The following PTK2 variants were observed in gnomAD, a reference collection of about 807,000 sequenced individuals.
The protein encoded by PTK2 is focal adhesion kinase 1.
PTK2 carries 45 observed loss-of-function variants against 150.1 expected under a neutral mutation model. The observed-to-expected ratio is 0.30, with a 90% CI of 0.24 to 0.38. PTK2 has a LOEUF of 0.38. Ranked by LOEUF, PTK2 falls within the 10% of genes least tolerant of loss-of-function variation. The pLI, the probability that PTK2 is intolerant of heterozygous loss-of-function variation, is 1.00. For synonymous variants in PTK2, 432 were observed against 449.2 expected (o/e 0.96, Z 0.48); for missense variants, 919 against 1,307.3 (o/e 0.70, Z 4.58).
chr8:140,740,450 G>A (rs1157029941), intron 20 of PTK2, among the ~76,000 whole-genome samples: 1 of 152,176 alleles, frequency 6.6e-6, no homozygotes, highest in Non-Finnish European at 1.5e-5. Flanking sequence ...TCAAGGGTCT[G>A]GACTTTCTTC....
chr8:140,746,699 T>C (rs1411936640), intron 18 of PTK2, 61 bp downstream of exon 21: 2 of 1,293,118 alleles, frequency 1.5e-6, no homozygotes, highest in African/African-American at 1.5e-5. Context: ...TATATTTTCC[T>C]TTCTTAAGCA....
chr8:140,756,940 C>T (rs1448289188), intron 16 of PTK2, among the ~76,000 whole-genome samples: 2 of 150,462 alleles, frequency 1.3e-5, no homozygotes, highest in African/African-American at 2.5e-5. Flanking sequence ...AGTGAGCTGA[C>T]ATGGCGCCAC....
intron 1 of PTK2, among the ~76,000 whole-genome samples, chr8:140,943,937 T>C (rs1011660011): frequency 6.6e-6 from 1 of 152,214 alleles, no homozygotes; most frequent in African/African-American, 2.4e-5. Flanking sequence ...TTGAGACACC[T>C]ATCTTTTTTA....
intron 1 of PTK2, among the ~76,000 whole-genome samples, chr8:140,962,474 G>GTGAGGGGCC (rs1226630248): frequency 6.6e-6 from 1 of 152,110 alleles, no homozygotes; most frequent in African/African-American, 2.4e-5. Context: ...CACATACTCT[G>GTGAGGGGCC]TGAGGGGCCT....
intron 22 of PTK2, among the ~76,000 whole-genome samples, chr8:140,731,180 G>A (rs192352203): frequency 1.2e-3 from 183 of 152,016 alleles, no homozygotes; most frequent in African/African-American, 3.7e-3. Flanking sequence ...GGTTTGTCTC[G>A]AGCTCCTGAC....
chr8:140,968,615 T>C (rs1405478277), intron 1 of PTK2, among the ~76,000 whole-genome samples: 3 of 152,226 alleles, frequency 2.0e-5, no homozygotes, highest in Non-Finnish European at 2.9e-5. Context: ...CTATTCTGCA[T>C]TGTAAAAAAT....
At chr8:140,741,661 G>T (rs1030140062) in intron 20 of PTK2, among the ~76,000 whole-genome samples, 9 of 152,012 alleles carry the variant, frequency 5.9e-5, no homozygotes, top group Non-Finnish European at 1.2e-4. Flanking sequence ...TTGTAAAATG[G>T]TAGTCATAAT....
chr8:140,681,943 C>A (rs1041138486), intron 27 of PTK2, among the ~76,000 whole-genome samples: 4 of 152,176 alleles, frequency 2.6e-5, no homozygotes, highest in South Asian at 4.1e-4. Context: ...ATAAATAACT[C>A]TCACAAGCTT....
At chr8:140,671,874 G>C (rs1284182428) in intron 29 of PTK2, among the ~76,000 whole-genome samples, 1 of 146,540 alleles carries the variant, frequency 6.8e-6, no homozygotes, top group Non-Finnish European at 1.5e-5. Context: ...GGAGCTTGCA[G>C]TGAGCCAAGA....
At chr8:140,945,565 G>A (rs1346513795) in intron 1 of PTK2, among the ~76,000 whole-genome samples, 1 of 151,174 alleles carries the variant, frequency 6.6e-6, no homozygotes, top group Non-Finnish European at 1.5e-5. Flanking sequence ...ACTACAGCCT[G>A]GGTGACAAAA....
intron 3 of PTK2, among the ~76,000 whole-genome samples, chr8:140,889,524 C>T (rs531246400): frequency 1.8e-4 from 28 of 152,036 alleles, no homozygotes; most frequent in African/African-American, 6.5e-4. Flanking sequence ...CCACCATGCC[C>T]GACCTGTTGG....
chr8:140,853,258 G>A (rs1275123976), intron 5 of PTK2, among the ~76,000 whole-genome samples: 1 of 150,834 alleles, frequency 6.6e-6, no homozygotes, highest in African/African-American at 2.4e-5. Context: ...TGTTACATAT[G>A]TATACATCTG....
intron 23 of PTK2, 40 bp downstream of exon 26, chr8:140,717,558 G>A: frequency 6.7e-7 from 1 of 1,489,672 alleles, no homozygotes; most frequent in Non-Finnish European, 9.4e-7. Context: ...TTGAAAGTTA[G>A]TAAGAGTAAC....
intron 6 of PTK2, 90 bp from the exon 7 acceptor site, chr8:140,846,412 A>G: frequency 1.5e-6 from 2 of 1,339,764 alleles, no homozygotes; most frequent in Non-Finnish European, 1.1e-6. Context: ...GCATCTGAAT[A>G]ATAAACAAAA....
chr8:140,955,618 G>C (rs2100180942), intron 1 of PTK2, among the ~76,000 whole-genome samples: 1 of 152,172 alleles, frequency 6.6e-6, no homozygotes, highest in Non-Finnish European at 1.5e-5. Context: ...TATAAGAAAA[G>C]CCTCTAACAC....
At chr8:140,692,885 C>T (rs1037371233) in intron 26 of PTK2, among the ~76,000 whole-genome samples, 4 of 152,308 alleles carry the variant, frequency 2.6e-5, no homozygotes, top group Middle Eastern at 6.8e-3. Context: ...TTTAGTTCCC[C>T]GTCTCGGCAT....
intron 1 of PTK2, among the ~76,000 whole-genome samples, chr8:140,956,116 T>TA (rs2100181116): frequency 6.6e-6 from 1 of 152,248 alleles, no homozygotes; most frequent in Admixed American, 6.5e-5. Flanking sequence ...AGGAACCTGA[T>TA]ACGTCTAAGA....
intron 7 of PTK2, among the ~76,000 whole-genome samples, chr8:140,841,528 G>C (rs902408136): frequency 1.3e-5 from 2 of 152,006 alleles, no homozygotes; most frequent in Non-Finnish European, 2.9e-5. Flanking sequence ...ACAATCTTAA[G>C]TTCTGGAATG....
intron 23 of PTK2, among the ~76,000 whole-genome samples, chr8:140,707,148 A>G (rs1359844407): frequency 6.6e-6 from 1 of 152,244 alleles, no homozygotes; most frequent in Non-Finnish European, 1.5e-5. Context: ...AAAGATTAAT[A>G]TAGATAGCAA....
Sources: allele counts gnomAD v4.1 joint callset (sites outside exome capture counted in the v4.1 genomes callset), GRCh38; gene constraint gnomAD v4.1.1; transcripts MANE v1.5; gene names NCBI Gene and HGNC (gene_info 2026-07-23, HGNC 2026-07-21).